Variants in NRAP observed in about 807,000 individuals in gnomAD.
NRAP encodes nebulin related anchoring protein.
Under a neutral mutation model 225.9 loss-of-function variants are expected in NRAP, and 189 were observed. The observed-to-expected ratio is 0.84, with a 90% confidence interval of 0.74 to 0.94. The LOEUF (loss-of-function observed/expected upper bound fraction) is 0.94. NRAP is among the 40% of genes least tolerant of loss of function. NRAP has a pLI of 0.00. For missense variants in NRAP, 2,176 were observed against 2,168.7 expected (o/e 1.00, Z -0.07); for synonymous variants, 769 against 790.7 (o/e 0.97, Z 0.46).
At chr10:113,605,004 A>T in intron 34 of NRAP, 84 bp from the exon 35 acceptor site, 12 of 1,459,998 alleles carry the variant, frequency 8.2e-6, no homozygotes, top group East Asian at 2.3e-5. Context: ...TTACACTAGG[A>T]GGTGATGATT....
intron 9 of NRAP, among the ~76,000 whole-genome samples, chr10:113,648,105 T>C (rs2134141910): frequency 6.6e-6 from 1 of 151,790 alleles, no homozygotes; most frequent in South Asian, 2.1e-4. Context: ...GCCCATATGG[T>C]GCCCTCATTA....
chr10:113,660,051 AACACACACACACACAC>A (rs142938392), intron 3 of NRAP, among the ~76,000 whole-genome samples: 10 of 144,438 alleles, frequency 6.9e-5, no homozygotes, highest in African/African-American at 2.6e-4. Flanking sequence ...CTCAGTAGAC[AACACACACACACACAC>A]ACACACACAC....
intron 14 of NRAP, among the ~76,000 whole-genome samples, chr10:113,637,212 T>C (rs1294201195): frequency 6.6e-6 from 1 of 152,146 alleles, no homozygotes; most frequent in Non-Finnish European, 1.5e-5. Flanking sequence ...CCATTCCAAG[T>C]ACATCATGCA....
At chr10:113,647,074 G>A (rs767217772) in intron 9 of NRAP, 47 bp from the exon 10 acceptor site, 1 of 1,199,050 alleles carries the variant, frequency 8.3e-7, no homozygotes, top group Middle Eastern at 1.9e-4. Context: ...TCCCTCCCCA[G>A]ATGGGTGGGG....
intron 31 of NRAP, 84 bp downstream of exon 31, chr10:113,610,375 G>T: frequency 1.5e-5 from 9 of 612,186 alleles, no homozygotes; most frequent in South Asian, 6.6e-5. Context: ...AAAAAAAAAG[G>T]AAGAAAGAAA....
chr10:113,597,082 C>A lies in NRAP; in HGVS notation c.4431+4G>T, dbSNP rs1261919896. 2 of 1,599,108 alleles carry A rather than the reference C, an allele frequency of 1.3e-6. No individual in the cohort carries two copies. Among genetic ancestry groups the A allele is most frequent in the Non-Finnish European group, 1.7e-6 (2 of 1,166,392 alleles). On this transcript the variant is annotated splice_donor_region_variant and intron_variant, in intron 37 of 41. Transcript: ENST00000359988. ...CCCGGGATGAATGACAAGAAAGGAC[C>A]CACCTCATTGCAGTGCATATAGCTG...
chr10:113,620,546 C>G, intron 25 of NRAP, 58 bp downstream of exon 25: 5 of 1,126,806 alleles, frequency 4.4e-6, no homozygotes, highest in Non-Finnish European at 6.7e-6. Context: ...TAATTTTATA[C>G]AGAGACGCCG....
At chr10:113,614,503 A>C (rs1847526683) in intron 28 of NRAP, among the ~76,000 whole-genome samples, 3 of 152,234 alleles carry the variant, frequency 2.0e-5, no homozygotes, top group Admixed American at 2.0e-4. Flanking sequence ...GGCAGGATGC[A>C]TTAGCACGTG....
intron 14 of NRAP, among the ~76,000 whole-genome samples, chr10:113,635,801 C>T (rs1282481826): frequency 3.9e-5 from 6 of 152,202 alleles, no homozygotes; most frequent in Non-Finnish European, 5.9e-5. Flanking sequence ...TCTAACCCTG[C>T]TCTCCTTCCC....
rs112964713 is a variant in NRAP, at chr10:113,595,674, G to A, written c.4485C>T (p.Pro1495=). ...GAGCTCGGGTGAAATCGGGATGGTC[G>A]GGGATCAGGGTGTATCTGTGCAGGG... ...AESLHRYTLI[P]DHPDFTRARL... The change falls in exon 38 of 42, where the codon CCC becomes CCT. Residue 1495 remains proline, a synonymous_variant. Coordinates refer to ENST00000359988, the MANE Select transcript of NRAP (RefSeq NM_198060.4). The A allele has an allele frequency of 1.8e-5, 29 of 1,613,938 alleles. No individual in the cohort carries two copies. The highest frequency in any genetic ancestry group is 2.7e-5 in the African/African-American group (2 of 75,036).
rs1847928320 is a variant in NRAP, at chr10:113,620,636, G to A, written c.2842C>T (p.Gln948Ter). The A allele has an allele frequency of 6.2e-7, 1 of 1,613,028 alleles. No individual in the cohort carries two copies. Among genetic ancestry groups the A allele is most frequent in the Non-Finnish European group, 8.5e-7 (1 of 1,179,436 alleles). ...WVATGSLNVE[Q>*]AKKAGELISE... ...ATGAGTTCTCCTGCCTTCTTCGCCT[G>A]CTCCACATTTAATGACCCGGTGGCG... Residue 948 changes from glutamine (Q) to a stop codon, truncating the protein, a stop_gained, in exon 25 of 42, where the codon CAG becomes TAG. Transcript: ENST00000359988. LOFTEE classifies it high-confidence loss of function.
At chr10:113,591,906 C>G (rs760699219) in intron 39 of NRAP, among the ~76,000 whole-genome samples, 5 of 152,220 alleles carry the variant, frequency 3.3e-5, no homozygotes, top group Non-Finnish European at 5.9e-5. Flanking sequence ...TGCAAATCAA[C>G]AACCCAAGCT....
At chr10:113,613,532 A>G (rs190534050) in intron 29 of NRAP, among the ~76,000 whole-genome samples, 2 of 152,334 alleles carry the variant, frequency 1.3e-5, no homozygotes, top group East Asian at 3.9e-4. Flanking sequence ...CTGGATACAG[A>G]TTTCATCACC....
intron 3 of NRAP, among the ~76,000 whole-genome samples, chr10:113,661,516 A>G (rs1850674897): frequency 6.6e-6 from 1 of 152,150 alleles, no homozygotes; most frequent in African/African-American, 2.4e-5. Flanking sequence ...AGGGATCACT[A>G]GAGAGTCTTT....
chr10:113,624,520 T>A (rs573888801), intron 22 of NRAP, among the ~76,000 whole-genome samples: 11 of 152,272 alleles, frequency 7.2e-5, no homozygotes, highest in African/African-American at 2.6e-4. Flanking sequence ...ATGTCTGAGC[T>A]CTTACTCCCC....
At chr10:113,648,881 C>G (rs908230905) in intron 9 of NRAP, among the ~76,000 whole-genome samples, 7 of 152,162 alleles carry the variant, frequency 4.6e-5, no homozygotes, top group Non-Finnish European at 5.9e-5. Context: ...TGTCTAGGTA[C>G]ACATATGAAA....
At chr10:113,622,249 T>C (rs954342342) in intron 23 of NRAP, 69 bp from the exon 24 acceptor site, 7 of 1,052,564 alleles carry the variant, frequency 6.7e-6, no homozygotes, top group Non-Finnish European at 1.0e-5. Context: ...TCAGACTCCA[T>C]GCATGGGAGC....
chr10:113,652,024 A>G (rs1386057530), intron 6 of NRAP, 117 bp from the exon 7 acceptor site: 1 of 708,812 alleles, frequency 1.4e-6, no homozygotes, highest in African/African-American at 1.8e-5. Context: ...AACCTGTGGC[A>G]AGTCTTCTGT....
Position 113,604,892 on chromosome 10 carries a change from T to G in NRAP, c.3944A>C (p.Glu1315Ala). 6.2e-7 allele frequency: 1 copy of G among 1,613,844 alleles called. No homozygotes were observed. The highest frequency in any genetic ancestry group is 8.5e-7 in the Non-Finnish European group (1 of 1,179,758). ...CTGGGGCCCTATGAGTTTCCCTCGC[T>G]CCTTCACAAAGTCATGTCTGTAGAG... is the stretch of plus-strand genomic sequence containing the variant. ...DFLYRHDFVK[E>A]RGKLIGPQSV... is the part of the protein sequence containing the mutation. Residue 1315 changes from glutamate to alanine, a missense_variant, in exon 35 of 42, where the codon GAG (glutamate) becomes GCG (alanine). Physicochemically the swap from Glu to Ala is moderately radical, Grantham distance 107. Transcript: ENST00000359988.
Sources: gnomAD v4.1 joint callset for allele counts (sites outside exome capture counted in the v4.1 genomes callset) on GRCh38, gnomAD v4.1.1 for gene constraint, MANE v1.5 for transcripts, NCBI Gene and HGNC (gene_info 2026-07-23, HGNC 2026-07-21) for gene names.